Variants in MED13L observed in about 807,000 individuals in gnomAD.
The protein encoded by MED13L is mediator of RNA polymerase II transcription subunit 13-like.
In MED13L, 7 loss-of-function variants were observed where a neutral mutation model predicts 220.9. The ratio of observed to expected loss-of-function variants is 0.03; its 90% CI spans 0.02 to 0.06. The LOEUF (loss-of-function observed/expected upper bound fraction) is 0.06. Ranked by LOEUF, MED13L falls within the 10% of genes least tolerant of loss-of-function variation. The pLI, the probability that MED13L is intolerant of heterozygous loss-of-function variation, is 1.00. For missense variants in MED13L, 1,965 were observed against 2,760.5 expected, an observed-to-expected ratio of 0.71 and a Z score of 6.46; for synonymous variants, 1,011 against 1,015.2, an observed-to-expected ratio of 1.00 and a Z score of 0.08.
At chr12:116,214,876 A>T (rs1264962471) in intron 2 of MED13L, among the ~76,000 whole-genome samples, 1 of 152,202 alleles carries the variant, frequency 6.6e-6, no homozygotes, top group Non-Finnish European at 1.5e-5. Context: ...TGCCTCACAG[A>T]CATGCACTTT....
At chr12:116,002,214 C>G (rs1878789793) in intron 14 of MED13L, among the ~76,000 whole-genome samples, 1 of 152,182 alleles carries the variant, frequency 6.6e-6, no homozygotes, top group Non-Finnish European at 1.5e-5. Flanking sequence ...GCTATGGATC[C>G]ACTAAAGCTG....
intron 14 of MED13L, among the ~76,000 whole-genome samples, chr12:116,002,095 G>A (rs1447287234): frequency 1.3e-5 from 2 of 152,210 alleles, no homozygotes; most frequent in East Asian, 3.8e-4. Flanking sequence ...GCAGTGCAGA[G>A]TAATAAAACA....
chr12:116,025,267 A>T (rs1226069986), intron 4 of MED13L, among the ~76,000 whole-genome samples: 1 of 152,208 alleles, frequency 6.6e-6, no homozygotes, highest in Admixed American at 6.5e-5. Flanking sequence ...GAGGACCTTT[A>T]TACACTGTTG....
intron 4 of MED13L, among the ~76,000 whole-genome samples, chr12:116,075,833 T>C (rs1870742088): frequency 6.6e-6 from 1 of 152,164 alleles, no homozygotes; most frequent in African/African-American, 2.4e-5. Context: ...ATAATAGGTT[T>C]CAGGTGTTTC....
intron 2 of MED13L, among the ~76,000 whole-genome samples, chr12:116,231,891 G>C (rs1362121485): frequency 6.6e-6 from 1 of 152,120 alleles, no homozygotes; most frequent in Non-Finnish European, 1.5e-5. Context: ...TTCTTGCTTG[G>C]AGTTATCTAA....
intron 2 of MED13L, among the ~76,000 whole-genome samples, chr12:116,231,593 A>T (rs1248580917): frequency 1.3e-5 from 2 of 152,192 alleles, no homozygotes. Flanking sequence ...GAGAGAGAAA[A>T]CTATAAAAGG....
At chr12:116,214,473 C>T (rs1321099652) in intron 2 of MED13L, among the ~76,000 whole-genome samples, 1 of 151,846 alleles carries the variant, frequency 6.6e-6, no homozygotes, top group African/African-American at 2.4e-5. Flanking sequence ...AAGGCTGAAT[C>T]GAATATTTTC....
At chr12:115,990,956 A>C in intron 17 of MED13L, 64 bp downstream of exon 17, 1 of 1,556,118 alleles carries the variant, frequency 6.4e-7, no homozygotes. Flanking sequence ...CAGTAAAGAA[A>C]GCTTTTAAGT....
chr12:115,984,221 G>A lies in MED13L; in HGVS notation c.4490C>T (p.Ser1497Phe). Residue 1497 changes from serine (S) to phenylalanine (F), a missense_variant, in exon 20 of 31, where the codon TCC (serine) becomes TTC (phenylalanine). Coordinates refer to ENST00000281928, the MANE Select transcript of MED13L (RefSeq NM_015335.5). ...PWSGEENDNH[S>F]RLKLYAQVCR... ...AACTTGCGCATAAAGTTTGAGTCTGGAATGATTGTCATTCTCCTCGCCGCT... is the reference window on the plus strand; with the variant it reads ...AACTTGCGCATAAAGTTTGAGTCTGAAATGATTGTCATTCTCCTCGCCGCT... The A allele has an allele frequency of 6.2e-7, 1 of 1,613,910 alleles. No homozygotes were observed. The highest frequency in any genetic ancestry group is 8.5e-7 in the Non-Finnish European group (1 of 1,179,946).
intron 2 of MED13L, among the ~76,000 whole-genome samples, chr12:116,222,074 A>T (rs1422296901): frequency 6.6e-6 from 1 of 152,230 alleles, no homozygotes; most frequent in African/African-American, 2.4e-5. Context: ...TATGAAAAGC[A>T]AAATTATATC....
Position 115,982,395 on chromosome 12 carries a change from A to G in MED13L, c.5164T>C (p.Phe1722Leu). Residue 1722 changes from phenylalanine to leucine, a missense_variant, in exon 22 of 31, where the codon TTC becomes CTC. Physicochemically the swap from Phe to Leu is conservative, Grantham distance 22 (BLOSUM62 0). This residue lies in a region of MED13L where 510 missense variants were observed against 620.4 expected (regional missense o/e 0.82). Transcript: ENST00000281928. ...TTGCAAACAGTAACCTGGAGAATGA[A>G]AGAATTTCTCATATGCTCAGGTAAA... Reference protein sequence around the residue: ...DNLPEHMRNSFILQIVPCQYM... With the variant: ...DNLPEHMRNSLILQIVPCQYM... The G allele has an allele frequency of 6.2e-7, 1 of 1,612,522 alleles. No individual in the cohort carries two copies. The highest frequency in any genetic ancestry group is 1.1e-5 in the South Asian group (1 of 91,052).
chr12:116,126,996 A>C (rs1433809225), intron 2 of MED13L, among the ~76,000 whole-genome samples: 2 of 152,096 alleles, frequency 1.3e-5, no homozygotes, highest in African/African-American at 4.8e-5. Flanking sequence ...AGGTTAAAAA[A>C]TATATATATT....
chr12:116,198,773 T>G (rs1881816563), intron 2 of MED13L, among the ~76,000 whole-genome samples: 1 of 152,160 alleles, frequency 6.6e-6, no homozygotes, highest in Non-Finnish European at 1.5e-5. Context: ...GCCCTCCACA[T>G]AGTAAGCATG....
In MED13L at chr12:115,983,451, T is replaced by C. The variant is rs1204058870; in HGVS notation, c.4621A>G (p.Thr1541Ala). ...TPPAAAQGQA[T>A]PGNAGPLAPN... Reference sequence around the variant, plus strand: ...GCTAAGGGCCCAGCATTCCCTGGCGTAGCTTGTCCCTGTGCTGCTGCTGGT... The same window carrying C: ...GCTAAGGGCCCAGCATTCCCTGGCGCAGCTTGTCCCTGTGCTGCTGCTGGT... The change falls in exon 21 of 31, where the codon ACG becomes GCG. Residue 1541 changes from threonine to alanine, a missense_variant. Around this residue, in one of 10 missense-constraint regions of MED13L, gnomAD observed 510 missense variants for 620.4 expected, o/e 0.82. Coordinates refer to ENST00000281928, the MANE Select transcript of MED13L (RefSeq NM_015335.5). 4 of 1,614,184 alleles carry C rather than the reference T, an allele frequency of 2.5e-6. No individual in the cohort carries two copies. In the Middle Eastern group the frequency reaches 4.9e-4, roughly 200 times the overall value.
At chr12:116,233,128 G>C (rs2138440490) in intron 2 of MED13L, among the ~76,000 whole-genome samples, 1 of 150,762 alleles carries the variant, frequency 6.6e-6, no homozygotes, top group East Asian at 1.9e-4. Context: ...GTATTTGTTT[G>C]GTAGATTAGG....
chr12:116,215,755 A>T (rs924839112), intron 2 of MED13L, among the ~76,000 whole-genome samples: 2 of 152,172 alleles, frequency 1.3e-5, no homozygotes, highest in African/African-American at 4.8e-5. Context: ...AGATGTGATT[A>T]AAAATACACA....
chr12:115,995,667 T>C (rs770344121), intron 16 of MED13L, among the ~76,000 whole-genome samples: 13 of 152,052 alleles, frequency 8.5e-5, no homozygotes, highest in Non-Finnish European at 1.8e-4. Context: ...AAGCAATCCA[T>C]CCACCTCGGC....
Position 115,984,046 on chromosome 12 carries a change from C to G in MED13L, c.4531+134G>C, listed in dbSNP as rs1441980561. 3.7e-6 allele frequency: 4 copies of G among 1,070,652 alleles called. No homozygotes were observed. The African/African-American group carries it at 6.3e-5, about 17-fold the overall frequency. 66.3% of individuals were successfully genotyped at this position (1,070,652 alleles called of 1,614,324 possible). On this transcript the variant is annotated intron_variant, in intron 20 of 30. Coordinates refer to ENST00000281928, the MANE Select transcript of MED13L (RefSeq NM_015335.5). ...AATTAGCATTAAACTGCCCAGAACA[C>G]CAAACTGGACCTTAACAAATACAGC...
chr12:116,006,064 G>T, intron 12 of MED13L, 71 bp from the exon 13 acceptor site: 2 of 1,585,608 alleles, frequency 1.3e-6, no homozygotes, highest in Non-Finnish European at 1.7e-6. Flanking sequence ...GAGAGGACAC[G>T]GATCTCAATG....
Sources: gnomAD v4.1 joint callset for allele counts (sites outside exome capture counted in the v4.1 genomes callset) on GRCh38, gnomAD v4.1.1 for gene constraint, gnomAD v4.1.1 regional missense constraint, MANE v1.5 for transcripts, NCBI Gene and HGNC (gene_info 2026-07-23, HGNC 2026-07-21) for gene names.